Variants in ARSG observed in about 807,000 individuals in gnomAD.
ARSG encodes arylsulfatase G.
In ARSG, 37 loss-of-function variants were observed where a neutral mutation model predicts 50.5. The observed-to-expected ratio is 0.73, with a 90% CI of 0.56 to 0.96. The LOEUF is 0.96. Among genes scored for constraint, ARSG ranks in the 50% least tolerant of loss-of-function variants. ARSG has a pLI of 0.00. For missense variants in ARSG, 629 were observed against 675.3 expected, an observed-to-expected ratio of 0.93 and a Z score of 0.76; for synonymous variants, 225 against 254.6, an observed-to-expected ratio of 0.88 and a Z score of 1.11.
intron 1 of ARSG, among the ~76,000 whole-genome samples, chr17:68,300,485 A>G (rs2076371763): frequency 6.6e-6 from 1 of 152,232 alleles, no homozygotes; most frequent in Non-Finnish European, 1.5e-5. Flanking sequence ...CCAGTGAGCG[A>G]ATTTCAGACA....
At chr17:68,416,883 T>G (rs562199200) in intron 11 of ARSG, among the ~76,000 whole-genome samples, 2 of 152,328 alleles carry the variant, frequency 1.3e-5, no homozygotes, top group African/African-American at 4.8e-5. Flanking sequence ...CTTGTATTGA[T>G]TTTTGGATTT....
chr17:68,444,412 A>G, the ARSG span: 1 of 1,346,336 alleles, frequency 7.4e-7, no homozygotes, highest in East Asian at 2.3e-5. Context: ...TCACGTTCGC[A>G]ATTTGGAGGA....
At chr17:68,425,157 G>C (rs1221441242), downstream of ARSG, among the ~76,000 whole-genome samples, 1 of 152,186 alleles carries the variant, frequency 6.6e-6, no homozygotes, top group South Asian at 2.1e-4. Flanking sequence ...AAAGGTGCTC[G>C]GGCAAGCTCC....
At chr17:68,407,909 G>T (rs930683598) in intron 11 of ARSG, among the ~76,000 whole-genome samples, 1 of 151,814 alleles carries the variant, frequency 6.6e-6, no homozygotes, top group Non-Finnish European at 1.5e-5. Flanking sequence ...CCAGTAGTAT[G>T]TTGAAGAGGA....
the ARSG span, among the ~76,000 whole-genome samples, chr17:68,427,801 G>A: frequency 1.3e-5 from 2 of 152,228 alleles, no homozygotes; most frequent in Non-Finnish European, 2.9e-5. Flanking sequence ...AGCAGCCATC[G>A]GTGGGGGGCG....
rs751650999 is a variant in ARSG, at chr17:68,378,465, G to T, written c.983-6599G>T. 6.6e-6 allele frequency among the ~76,000 whole-genome samples: 1 copy of T among 152,306 alleles called. No individual in the cohort carries two copies. The highest frequency in any genetic ancestry group is 1.9e-4 in the East Asian group (1 of 5,182). On this transcript the variant is annotated intron_variant, in intron 8 of 11. Coordinates refer to ENST00000621439, the MANE Select transcript of ARSG (RefSeq NM_001267727.2). This position sits in a 1 kb window ranked among gnomAD's most constrained non-coding sequence, Gnocchi z 4.4. ...CTGGAGTCATCTTTTCACCCCGTGC[G>T]TGTGGACTGAGAATGCTCCACTTGG...
At chr17:68,335,913 T>G (rs1366266468) in intron 2 of ARSG, among the ~76,000 whole-genome samples, 12 of 152,166 alleles carry the variant, frequency 7.9e-5, no homozygotes, top group African/African-American at 2.9e-4. Flanking sequence ...TCTTTTCTGT[T>G]TTTGAGATGG....
chr17:68,434,812 C>A, the ARSG span, among the ~76,000 whole-genome samples: 1 of 152,264 alleles, frequency 6.6e-6, no homozygotes, highest in South Asian at 2.1e-4. Flanking sequence ...GTTATAAACA[C>A]CCTCTGTCTA....
chr17:68,425,889 A>G (rs1739652405), downstream of ARSG: 1 of 579,434 alleles, frequency 1.7e-6, no homozygotes, highest in African/African-American at 1.9e-5. Flanking sequence ...CGACACCTAA[A>G]GCCTACTCTG....
intron 2 of ARSG, among the ~76,000 whole-genome samples, chr17:68,309,980 G>GTT (rs140921838): frequency 0.36 from 53,362 of 147,670 alleles, 10,472 homozygotes; most frequent in African/African-American, 0.53. Context: ...GTTTTGTTGT[G>GTT]TTTTTTTTTT....
the ARSG span, among the ~76,000 whole-genome samples, chr17:68,433,764 T>G: frequency 0.036 from 465 of 12,788 alleles, 14 homozygotes; most frequent in Non-Finnish European, 0.051. Context: ...GTCATAGTTT[T>G]TTTTTTTTTT....
intron 2 of ARSG, among the ~76,000 whole-genome samples, chr17:68,327,301 A>G (rs1011607738): frequency 6.6e-6 from 1 of 152,112 alleles, no homozygotes; most frequent in Non-Finnish European, 1.5e-5. Flanking sequence ...CTGCTGTAAC[A>G]CAGTACCACA....
chr17:68,387,928 C>T (rs1384154322), intron 9 of ARSG, among the ~76,000 whole-genome samples: 1 of 151,984 alleles, frequency 6.6e-6, no homozygotes, highest in African/African-American at 2.4e-5. Context: ...ACATGGATCC[C>T]ATTGGTTTTA....
chr17:68,415,778 T>C (rs777057015), intron 11 of ARSG, among the ~76,000 whole-genome samples: 5 of 152,230 alleles, frequency 3.3e-5, no homozygotes, highest in Non-Finnish European at 7.4e-5. Context: ...ATAATGTCTC[T>C]GTCTTTTTTA....
chr17:68,414,105 C>G (rs558239253), intron 11 of ARSG: 1 of 158,258 alleles, frequency 6.3e-6, no homozygotes, highest in Middle Eastern at 2.9e-3. Context: ...AGCTGTAGAC[C>G]GGAGCTGTTC....
Position 68,320,051 on chromosome 17 carries a change from C to G in ARSG, c.218+12340C>G, listed in dbSNP as rs189483897. ...CCTGTAATCCAAACACTTTGGGAGG[C>G]CAAGGTGGGCAGACTACCTGAGCCC... On this transcript the variant is annotated intron_variant, in intron 2 of 11. Transcript: ENST00000621439. 4.9e-3 allele frequency among the ~76,000 whole-genome samples: 741 copies of G among 151,784 alleles called. 9 individuals carry two copies. Among genetic ancestry groups the G allele is most frequent in the African/African-American group, 0.016 (672 of 41,362 alleles).
intron 1 of ARSG, among the ~76,000 whole-genome samples, chr17:68,293,213 G>T (rs1767752462): frequency 6.6e-6 from 1 of 152,060 alleles, no homozygotes; most frequent in South Asian, 2.1e-4. Context: ...TGATATTTAG[G>T]ATCTTACACT....
intron 2 of ARSG, among the ~76,000 whole-genome samples, chr17:68,325,302 G>A (rs529304339): frequency 3.3e-5 from 5 of 152,158 alleles, no homozygotes; most frequent in African/African-American, 1.2e-4. Context: ...AATGCCTGAT[G>A]ATCTGTCAGT....
At chr17:68,354,950 T>G (rs1309558987) in intron 5 of ARSG, among the ~76,000 whole-genome samples, 1 of 152,194 alleles carries the variant, frequency 6.6e-6, no homozygotes, top group Non-Finnish European at 1.5e-5. Context: ...TAATGGGGTG[T>G]GTGTGCATGT....
Sources: gnomAD v4.1 joint callset for allele counts (sites outside exome capture counted in the v4.1 genomes callset) on GRCh38, gnomAD v4.1.1 for gene constraint, Gnocchi (gnomAD v3.1) non-coding constraint, MANE v1.5 for transcripts, NCBI Gene and HGNC (gene_info 2026-07-23, HGNC 2026-07-21) for gene names.